The following MACROD2 variants were observed in gnomAD, a reference collection of about 807,000 sequenced individuals.
The protein encoded by MACROD2 is mono-ADP ribosylhydrolase 2, also known as ADP-ribose glycohydrolase MACROD2.
A neutral mutation model predicts 70.4 loss-of-function variants in MACROD2; 36 were observed. The ratio of observed to expected loss-of-function variants is 0.51; its 90% confidence interval spans 0.39 to 0.68. The LOEUF is 0.68. Ranked by LOEUF, MACROD2 falls within the 30% of genes least tolerant of loss-of-function variation. MACROD2 has a pLI of 0.00. For synonymous variants in MACROD2, 172 were observed against 178.8 expected, an observed-to-expected ratio of 0.96 and a Z score of 0.30; for missense variants, 496 against 538.4, an observed-to-expected ratio of 0.92 and a Z score of 0.78.
At chr20:14,264,662 T>C (rs1360871123) in intron 3 of MACROD2, among the ~76,000 whole-genome samples, 1 of 152,050 alleles carries the variant, frequency 6.6e-6, no homozygotes, top group Non-Finnish European at 1.5e-5. Flanking sequence ...AATATGGTGA[T>C]TAAGAGAGTG....
At chr20:15,388,477 G>A (rs145323833) in intron 6 of MACROD2, among the ~76,000 whole-genome samples, 6 of 151,934 alleles carry the variant, frequency 3.9e-5, no homozygotes, top group Admixed American at 1.3e-4. Flanking sequence ...CAAGATGCCC[G>A]GCCAAATTTG....
At chr20:14,690,085 A>AT (rs1423798596) in intron 5 of MACROD2, among the ~76,000 whole-genome samples, 3 of 151,140 alleles carry the variant, frequency 2.0e-5, no homozygotes, top group Admixed American at 2.0e-4. Context: ...AAGGAGAAAA[A>AT]AAAATAAAAA....
At chr20:14,922,605 T>C (rs2074177329) in intron 5 of MACROD2, among the ~76,000 whole-genome samples, 3 of 152,318 alleles carry the variant, frequency 2.0e-5, no homozygotes, top group South Asian at 4.1e-4. Context: ...AGTATGTCCA[T>C]TGAATCTACA....
chr20:15,898,864 A>T (rs182248128), intron 10 of MACROD2, among the ~76,000 whole-genome samples: 1 of 152,146 alleles, frequency 6.6e-6, no homozygotes, highest in Non-Finnish European at 1.5e-5. Context: ...ATACATATAT[A>T]TGTAAATATA....
chr20:14,682,458 A>G (rs1424127238), intron 4 of MACROD2, among the ~76,000 whole-genome samples: 1 of 151,040 alleles, frequency 6.6e-6, no homozygotes, highest in Non-Finnish European at 1.5e-5. Flanking sequence ...TATATATTAC[A>G]TTACATATAT....
chr20:14,127,768 CAGG>C, intron 3 of MACROD2: 1 of 436,688 alleles, frequency 2.3e-6, no homozygotes, highest in South Asian at 2.0e-5. Flanking sequence ...AAAGGAGGAG[CAGG>C]AGAAGAAGAG....
intron 8 of MACROD2, among the ~76,000 whole-genome samples, chr20:15,677,927 T>C (rs998789902): frequency 4.6e-5 from 7 of 152,012 alleles, no homozygotes; most frequent in South Asian, 2.1e-4. Flanking sequence ...TAGCCAAGCA[T>C]GGTGGTGGGC....
intron 5 of MACROD2, among the ~76,000 whole-genome samples, chr20:15,094,804 A>G (rs2075816763): frequency 6.6e-6 from 1 of 152,174 alleles, no homozygotes. Flanking sequence ...ATTTAGTAAT[A>G]TTAAGAATGT....
chr20:14,585,395 CAT>C (rs1320456335), intron 4 of MACROD2, among the ~76,000 whole-genome samples: 1 of 152,060 alleles, frequency 6.6e-6, no homozygotes, highest in Non-Finnish European at 1.5e-5. Flanking sequence ...CTTTTAGAAT[CAT>C]ATGTAAACTA....
intron 8 of MACROD2, among the ~76,000 whole-genome samples, chr20:15,500,109 A>G (rs1183548598): frequency 6.6e-6 from 1 of 152,154 alleles, no homozygotes; most frequent in African/African-American, 2.4e-5. Flanking sequence ...GGTGGATAGT[A>G]TGGGTTATAT....
At chr20:15,861,153 A>G (rs1341059272) in intron 8 of MACROD2, among the ~76,000 whole-genome samples, 1 of 152,126 alleles carries the variant, frequency 6.6e-6, no homozygotes, top group African/African-American at 2.4e-5. Flanking sequence ...TTTAAACAGT[A>G]CTTATGAATA....
chr20:14,299,690 C>A (rs2082458667), intron 3 of MACROD2, among the ~76,000 whole-genome samples: 1 of 152,010 alleles, frequency 6.6e-6, no homozygotes, highest in Non-Finnish European at 1.5e-5. Flanking sequence ...TAAAAACAAA[C>A]CCTGACCATA....
intron 3 of MACROD2, among the ~76,000 whole-genome samples, chr20:14,319,673 G>A (rs1295813405): frequency 6.6e-6 from 1 of 151,996 alleles, no homozygotes; most frequent in African/African-American, 2.4e-5. Flanking sequence ...CCTCTTCTAT[G>A]TCTTTACCCT....
At chr20:15,015,955 C>T (rs374764805) in intron 5 of MACROD2, among the ~76,000 whole-genome samples, 1 of 152,146 alleles carries the variant, frequency 6.6e-6, no homozygotes, top group Non-Finnish European at 1.5e-5. Context: ...GTTTAGAAAA[C>T]GGAAGCTTCT....
intron 7 of MACROD2, among the ~76,000 whole-genome samples, chr20:15,497,301 CT>C (rs377303658): frequency 0.022 from 3,315 of 151,484 alleles, 127 homozygotes; most frequent in African/African-American, 0.073. Context: ...CCTTCTCCTT[CT>C]TTTTTTTTGA....
intron 3 of MACROD2, among the ~76,000 whole-genome samples, chr20:14,248,914 G>C (rs1055948000): frequency 2.6e-5 from 4 of 151,840 alleles, no homozygotes; most frequent in Non-Finnish European, 4.4e-5. Context: ...ATTGTCTCTA[G>C]TTTCATTGGT....
chr20:15,719,898 CT>C (rs201744860), intron 8 of MACROD2, among the ~76,000 whole-genome samples: 4,518 of 152,164 alleles, frequency 0.03, 80 homozygotes, highest in South Asian at 0.097. Flanking sequence ...ACTACTTACT[CT>C]TTTTTTCTAA....
chr20:14,836,107 C>A (rs1187095256), intron 5 of MACROD2, among the ~76,000 whole-genome samples: 8 of 151,826 alleles, frequency 5.3e-5, no homozygotes, highest in Admixed American at 2.0e-4. Flanking sequence ...ACAAAAAAAA[C>A]CACAACACCA....
chr20:14,744,009 A>G (rs1345315329), intron 5 of MACROD2, among the ~76,000 whole-genome samples: 1 of 152,152 alleles, frequency 6.6e-6, no homozygotes, highest in African/African-American at 2.4e-5. Context: ...AAGGAAATAG[A>G]TGCTGTTTTC....
Sources: gnomAD v4.1 joint callset for allele counts (sites outside exome capture counted in the v4.1 genomes callset) on GRCh38, gnomAD v4.1.1 for gene constraint, MANE v1.5 for transcripts, NCBI Gene and HGNC (gene_info 2026-07-23, HGNC 2026-07-21) for gene names.